The following RNF169 variants were observed in gnomAD, a reference collection of about 807,000 sequenced individuals.
RNF169 encodes the protein ring finger protein 169, also known as E3 ubiquitin-protein ligase RNF169.
RNF169 carries 24 observed loss-of-function variants against 53.9 expected under a neutral mutation model. That is an observed-to-expected ratio of 0.45 (90% CI 0.32 to 0.63). The LOEUF is 0.63. Ranked by LOEUF, RNF169 falls within the 20% of genes least tolerant of loss-of-function variation. The probability of loss-of-function intolerance (pLI) is 0.04; values close to 1 mark genes in which losing one functional copy is unlikely to be tolerated. For synonymous variants in RNF169, 396 were observed against 363.5 expected (o/e 1.09, Z -1.02); for missense variants, 883 against 906.2 (o/e 0.97, Z 0.33).
intron 4 of RNF169, among the ~76,000 whole-genome samples, chr11:74,823,992 CAA>C (rs2036056139): frequency 6.6e-6 from 1 of 151,870 alleles, no homozygotes; most frequent in Admixed American, 6.6e-5. Context: ...ATTCAAAATG[CAA>C]AAAATATGAG....
rs1250509864 is a variant in RNF169 at position 74,776,801 on chromosome 11, G to A, written c.503-12825G>A. ...AAAGGGGAAGAAAATCATTCTGGGA[G>A]GAGGAAGTGGCATATATAAAGTCCT... On this transcript the variant is annotated intron_variant, in intron 1 of 5. Transcript: ENST00000299563. Among the ~76,000 whole-genome samples the A allele has an allele frequency of 3.3e-5, 5 of 152,182 alleles. No homozygotes were observed. In the East Asian group the frequency reaches 7.7e-4, roughly 23 times the overall value.
At chr11:74,804,522 C>G (rs938342141) in intron 2 of RNF169, among the ~76,000 whole-genome samples, 1 of 152,094 alleles carries the variant, frequency 6.6e-6, no homozygotes, top group African/African-American at 2.4e-5. Flanking sequence ...TTGATTTAAC[C>G]CACCGCCACT....
At position 74,801,753 on chromosome 11, in the gene RNF169, C is replaced by T. The variant is rs149218505; in HGVS notation, c.577-8431C>T. Among the ~76,000 whole-genome samples, 418 of 152,304 alleles carry T rather than the reference C, an allele frequency of 2.7e-3. 2 individuals carry two copies. The highest frequency in any genetic ancestry group is 9.8e-3 in the African/African-American group (407 of 41,566). On this transcript the variant is annotated intron_variant, in intron 2 of 5. Transcript: ENST00000299563. ...CTGGAGCCTTGGCAACATAGTGAGA[C>T]TCTGTCTCTAAAAAGCAAAGAGGAT... is the stretch of plus-strand genomic sequence containing the variant.
intron 1 of RNF169, among the ~76,000 whole-genome samples, chr11:74,783,247 T>G (rs1267366878): frequency 8.5e-5 from 13 of 152,172 alleles, no homozygotes; most frequent in Non-Finnish European, 1.5e-4. Flanking sequence ...GTTTTGTTTT[T>G]TTTTTTGCCT....
At chr11:74,798,616 C>G (rs1052707403) in intron 2 of RNF169, among the ~76,000 whole-genome samples, 1 of 152,162 alleles carries the variant, frequency 6.6e-6, no homozygotes, top group Non-Finnish European at 1.5e-5. Context: ...TTCTATTACC[C>G]TGTTAAGTAC....
At chr11:74,806,296 A>G (rs1337614765) in intron 2 of RNF169, among the ~76,000 whole-genome samples, 1 of 152,248 alleles carries the variant, frequency 6.6e-6, no homozygotes, top group Non-Finnish European at 1.5e-5. Flanking sequence ...TGCAGTGCCA[A>G]TATATACACA....
rs373063937 is a variant in RNF169 at position 74,836,661 on chromosome 11, T to C, written c.2058T>C (p.Thr686=). ...LQRMFDNERR[T]VSRRKGSVDQ... is the part of the protein sequence containing the mutation. ...GCATGTTCGACAATGAGAGGCGGAC[T>C]GTGAGCCGGCGAAAAGGAAGTGTGG... is the stretch of plus-strand genomic sequence containing the variant. The change falls in exon 6 of 6, where the codon ACT becomes ACC. Residue 686 remains threonine (T), a synonymous_variant. Coordinates refer to ENST00000299563, the MANE Select transcript of RNF169 (RefSeq NM_001098638.2). 18 of 1,613,734 alleles carry C rather than the reference T, an allele frequency of 1.1e-5. No individual in the cohort carries two copies. The African/African-American group carries it at 1.6e-4, about 14-fold the overall frequency.
chr11:74,797,356 A>G (rs2035664178), intron 2 of RNF169, among the ~76,000 whole-genome samples: 2 of 152,196 alleles, frequency 1.3e-5, no homozygotes, highest in African/African-American at 4.8e-5. Context: ...CATGAACTGA[A>G]TGTTGAGCTG....
intron 1 of RNF169, among the ~76,000 whole-genome samples, chr11:74,755,253 A>T (rs2034963957): frequency 6.6e-6 from 1 of 152,224 alleles, no homozygotes; most frequent in Non-Finnish European, 1.5e-5. Context: ...CATGCACTCT[A>T]CCAACTAAAC....
chr11:74,835,542 T>C lies in RNF169; in HGVS notation c.943-4T>C, dbSNP rs1373660446. The C allele has an allele frequency of 6.2e-7, 1 of 1,609,224 alleles. No homozygotes were observed. The highest frequency in any genetic ancestry group is 1.1e-5 in the South Asian group (1 of 90,846). On this transcript the variant is annotated splice_region_variant and splice_polypyrimidine_tract_variant and intron_variant, in intron 5 of 5. Coordinates refer to ENST00000299563, the MANE Select transcript of RNF169 (RefSeq NM_001098638.2). ...GAAGGCATAATCTTTTTAATCTCTT[T>C]CAGGTCACAACTATGACTCCAGCCT...
intron 1 of RNF169, among the ~76,000 whole-genome samples, chr11:74,756,453 T>C (rs1472967833): frequency 6.6e-6 from 1 of 152,206 alleles, no homozygotes; most frequent in Non-Finnish European, 1.5e-5. Context: ...ATAGTAATAG[T>C]ATTAAAATCA....
intron 1 of RNF169, among the ~76,000 whole-genome samples, chr11:74,761,117 G>A (rs1283533725): frequency 8.0e-6 from 1 of 124,876 alleles, no homozygotes; most frequent in Non-Finnish European, 1.7e-5. Flanking sequence ...TGTTTTATCC[G>A]AGACTAGGAT....
intron 1 of RNF169, among the ~76,000 whole-genome samples, chr11:74,755,137 C>G (rs1334121002): frequency 6.6e-6 from 1 of 152,132 alleles, no homozygotes; most frequent in African/African-American, 2.4e-5. Context: ...TTTCTTTATC[C>G]TTAATGACAC....
intron 4 of RNF169, chr11:74,832,203 A>G (rs1277620339): frequency 6.6e-6 from 1 of 152,202 alleles, no homozygotes; most frequent in Non-Finnish European, 1.5e-5. Context: ...GTGGTCAGTA[A>G]GAAGTCTGTT....
At chr11:74,811,326 T>C (rs565767) in intron 3 of RNF169, among the ~76,000 whole-genome samples, 100,409 of 151,496 alleles carry the variant, frequency 0.66, 34,157 homozygotes, top group African/African-American at 0.81. Flanking sequence ...ACTGCAGCCT[T>C]AGCTTCCCAG....
At chr11:74,770,573 C>T (rs572172020) in intron 1 of RNF169, among the ~76,000 whole-genome samples, 1 of 152,074 alleles carries the variant, frequency 6.6e-6, no homozygotes, top group East Asian at 1.9e-4. Context: ...AATAATGGCT[C>T]GCAGTTCCTC....
chr11:74,828,724 C>G (rs1409424531), intron 4 of RNF169, among the ~76,000 whole-genome samples: 2 of 152,022 alleles, frequency 1.3e-5, no homozygotes, highest in Non-Finnish European at 2.9e-5. Context: ...ATAAACCTGA[C>G]AAAAACAATG....
At chr11:74,788,596 C>T (rs367613753) in intron 1 of RNF169, among the ~76,000 whole-genome samples, 9 of 152,054 alleles carry the variant, frequency 5.9e-5, no homozygotes, top group South Asian at 2.1e-4. Context: ...GGTTTCACCA[C>T]GTTGACCAGG....
chr11:74,768,272 A>G (rs2035204831), intron 1 of RNF169, among the ~76,000 whole-genome samples: 6 of 152,196 alleles, frequency 3.9e-5, no homozygotes, highest in Admixed American at 3.9e-4. Context: ...TGGTTAGCTA[A>G]CCTTAGAGAA....
Sources: allele counts gnomAD v4.1 joint callset (sites outside exome capture counted in the v4.1 genomes callset), GRCh38; gene constraint gnomAD v4.1.1; transcripts MANE v1.5; gene names NCBI Gene and HGNC (gene_info 2026-07-23, HGNC 2026-07-21).